KLHL29: variants seen among roughly 807,000 people sequenced by gnomAD.
The protein encoded by KLHL29 is kelch like family member 29, also known as kelch-like protein 29.
In KLHL29, 21 loss-of-function variants were observed where a neutral mutation model predicts 80.4. The observed-to-expected ratio is 0.26, with a 90% CI of 0.19 to 0.38. The LOEUF (loss-of-function observed/expected upper bound fraction) is 0.38, where lower values mean the gene tolerates loss of function less well. Among genes scored for constraint, KLHL29 ranks in the 10% least tolerant of loss-of-function variants. The probability of loss-of-function intolerance (pLI) is 1.00; values close to 1 mark genes in which losing one functional copy is unlikely to be tolerated. For missense variants in KLHL29, 867 were observed against 1,223.9 expected (o/e 0.71, Z 4.35); for synonymous variants, 511 against 526.8 (o/e 0.97, Z 0.41).
chr2:23,389,482 G>A (rs573336290), intron 1 of KLHL29, among the ~76,000 whole-genome samples: 1 of 152,040 alleles, frequency 6.6e-6, no homozygotes, highest in Non-Finnish European at 1.5e-5. Context: ...CCTACTTGGG[G>A]ATAGGAGGAG....
At chr2:23,594,935 C>A (rs1668359629) in intron 3 of KLHL29, among the ~76,000 whole-genome samples, 1 of 152,182 alleles carries the variant, frequency 6.6e-6, no homozygotes, top group African/African-American at 2.4e-5. Flanking sequence ...GTTCCTCCTA[C>A]AAAGCAGGAT....
intron 7 of KLHL29, 124 bp downstream of exon 7, chr2:23,692,000 C>A: frequency 1.1e-6 from 1 of 913,788 alleles, no homozygotes; most frequent in Non-Finnish European, 1.7e-6. Context: ...TCACATGTGG[C>A]TGAGTTTGGC....
chr2:23,690,860 T>C (rs1200087664), intron 6 of KLHL29: 2 of 152,272 alleles, frequency 1.3e-5, no homozygotes, highest in Non-Finnish European at 2.9e-5. Context: ...CAGATTTATA[T>C]ATTTGTGTCC....
At chr2:23,622,969 G>C (rs1669222353) in intron 3 of KLHL29, among the ~76,000 whole-genome samples, 1 of 152,190 alleles carries the variant, frequency 6.6e-6, no homozygotes, top group Admixed American at 6.5e-5. Context: ...CTGGGCTCCA[G>C]AGTCCTACTC....
intron 1 of KLHL29, among the ~76,000 whole-genome samples, chr2:23,393,569 G>A (rs555052930): frequency 6.6e-6 from 1 of 152,128 alleles, no homozygotes; most frequent in Non-Finnish European, 1.5e-5. Flanking sequence ...GAAACACCTG[G>A]AAATCACAGA....
At chr2:23,555,947 C>T (rs1247413521) in intron 2 of KLHL29, among the ~76,000 whole-genome samples, 2 of 152,206 alleles carry the variant, frequency 1.3e-5, no homozygotes, top group African/African-American at 2.4e-5. Context: ...GTTTGGGGTG[C>T]ACCTGTGTGC....
At position 23,506,167 on chromosome 2, in the gene KLHL29, G is replaced by A. The variant is rs113251323; in HGVS notation, c.-46+30500G>A. On this transcript the variant is annotated intron_variant, in intron 2 of 13. Transcript: ENST00000486442. ...GCAAACTTCCCTGGGAATGATGGGC[G>A]GGCCCAGACATATTCCAGATGGGCA... Among the ~76,000 whole-genome samples, 895 of 152,310 alleles carry A rather than the reference G, an allele frequency of 5.9e-3. 10 individuals are homozygous for A. The highest frequency in any genetic ancestry group is 0.02 in the African/African-American group (820 of 41,562).
intron 3 of KLHL29, chr2:23,616,523 T>C (rs930782518): frequency 6.6e-6 from 1 of 152,204 alleles, no homozygotes; most frequent in Non-Finnish European, 1.5e-5. Context: ...AATCAAGATT[T>C]TATTAAAAAG....
intron 3 of KLHL29, among the ~76,000 whole-genome samples, chr2:23,567,405 C>T (rs114271734): frequency 5.3e-5 from 8 of 152,182 alleles, no homozygotes; most frequent in African/African-American, 1.7e-4. Flanking sequence ...AGAGCGACTT[C>T]GCCTGTGTCG....
chr2:23,433,076 G>T (rs918941414), intron 1 of KLHL29, among the ~76,000 whole-genome samples: 2 of 152,170 alleles, frequency 1.3e-5, no homozygotes, highest in Non-Finnish European at 2.9e-5. Flanking sequence ...TTGATAAAGG[G>T]AGGGGAGCAC....
At chr2:23,499,627 G>T (rs1166643595) in intron 2 of KLHL29, among the ~76,000 whole-genome samples, 1 of 152,212 alleles carries the variant, frequency 6.6e-6, no homozygotes, top group African/African-American at 2.4e-5. Context: ...ACAAGTTTGA[G>T]GCGGGAAGAG....
At chr2:23,656,977 C>T (rs917112291) in intron 5 of KLHL29, among the ~76,000 whole-genome samples, 1 of 150,648 alleles carries the variant, frequency 6.6e-6, no homozygotes, top group Non-Finnish European at 1.5e-5. Context: ...CATCCATGCA[C>T]ATTCCAGAAA....
In KLHL29 at chr2:23,580,785, T is replaced by C. The variant is rs368411060; in HGVS notation, c.285+18304T>C. On this transcript the variant is annotated intron_variant, in intron 3 of 13. Coordinates refer to ENST00000486442, the MANE Select transcript of KLHL29 (RefSeq NM_052920.2). ...CAAGGTCAAGAGATCAAGACCATCC[T>C]GGCCAACATGGTGAAACCTTGTCTC... 7.5e-3 allele frequency among the ~76,000 whole-genome samples: 631 copies of C among 84,312 alleles called. 7 individuals are homozygous for C. Among genetic ancestry groups the C allele is most frequent in the African/African-American group, 0.021 (603 of 28,588 alleles). The allele number at this position is 84,312 out of a possible 152,430, so 55.3% of individuals were successfully genotyped here. A position where few individuals can be genotyped will look rare whatever the true frequency, so the allele number is the denominator to read the frequency against.
At chr2:23,389,493 GAAGA>G (rs2103381057) in intron 1 of KLHL29, among the ~76,000 whole-genome samples, 1 of 151,590 alleles carries the variant, frequency 6.6e-6, no homozygotes, top group South Asian at 2.1e-4. Context: ...ATAGGAGGAG[GAAGA>G]AACATCATGA....
intron 3 of KLHL29, among the ~76,000 whole-genome samples, chr2:23,593,314 TC>T (rs1384010788): frequency 6.6e-6 from 1 of 152,218 alleles, no homozygotes; most frequent in African/African-American, 2.4e-5. Context: ...TTGGGAGCAT[TC>T]AGACACTGGA....
At chr2:23,611,378 G>A (rs1668868484) in intron 3 of KLHL29, among the ~76,000 whole-genome samples, 1 of 152,194 alleles carries the variant, frequency 6.6e-6, no homozygotes, top group Non-Finnish European at 1.5e-5. Context: ...GTGGGTTCCA[G>A]TGACCCCTGT....
chr2:23,502,896 G>T (rs1427612072), intron 2 of KLHL29, among the ~76,000 whole-genome samples: 2 of 152,336 alleles, frequency 1.3e-5, no homozygotes, highest in South Asian at 2.1e-4. Flanking sequence ...GCCCTCTCTA[G>T]CTGGCTCCAC....
intron 1 of KLHL29, among the ~76,000 whole-genome samples, chr2:23,471,545 T>G (rs1007422287): frequency 6.6e-6 from 1 of 152,198 alleles, no homozygotes; most frequent in African/African-American, 2.4e-5. Flanking sequence ...CTTGTCAAAG[T>G]CAATTAACAT....
intron 5 of KLHL29, among the ~76,000 whole-genome samples, chr2:23,663,315 C>A (rs1055155456): frequency 2.0e-5 from 3 of 152,210 alleles, no homozygotes; most frequent in African/African-American, 4.8e-5. Flanking sequence ...CCCTCCTCGC[C>A]TGCCTTACGC....
Sources: gnomAD v4.1 joint callset for allele counts (sites outside exome capture counted in the v4.1 genomes callset) on GRCh38, gnomAD v4.1.1 for gene constraint, MANE v1.5 for transcripts, NCBI Gene and HGNC (gene_info 2026-07-23, HGNC 2026-07-21) for gene names.